Variants in HBEGF observed in about 807,000 individuals in gnomAD.
HBEGF encodes proheparin-binding EGF-like growth factor.
Under a neutral mutation model 19.5 loss-of-function variants are expected in HBEGF, and 8 were observed. That is an observed-to-expected ratio of 0.41 (90% CI 0.24 to 0.74). The LOEUF is 0.74. Among genes scored for constraint, HBEGF ranks in the 30% least tolerant of loss-of-function variants. The probability of loss-of-function intolerance (pLI) is 0.32; values close to 1 mark genes in which losing one functional copy is unlikely to be tolerated. For missense variants in HBEGF, 207 were observed against 256.9 expected, an observed-to-expected ratio of 0.81 and a Z score of 1.33; for synonymous variants, 97 against 108.9, an observed-to-expected ratio of 0.89 and a Z score of 0.68.
intron 3 of HBEGF, among the ~76,000 whole-genome samples, chr5:140,337,801 T>C (rs11465449): frequency 1.7e-4 from 26 of 152,308 alleles, no homozygotes; most frequent in African/African-American, 4.8e-4. Context: ...TCAGCCCATG[T>C]AGGCCTAAAA....
rs1466849215 is a variant in HBEGF at position 140,342,971 on chromosome 5, A to G, written c.221-159T>C. The G allele has an allele frequency of 3.4e-5, 24 of 706,760 alleles. No individual in the cohort carries two copies. The South Asian group carries it at 4.2e-4, about 12-fold the overall frequency. 43.8% of individuals were successfully genotyped at this position (706,760 alleles called of 1,614,324 possible). A position where few individuals can be genotyped will look rare whatever the true frequency, so the allele number is the denominator to read the frequency against. ...CCTCCTAAGAGGCAGAAGGAAGAGCAGGAAGATTGGGCAGAACCACCAGAA... is the reference window on the plus strand; with the variant it reads ...CCTCCTAAGAGGCAGAAGGAAGAGCGGGAAGATTGGGCAGAACCACCAGAA... On this transcript the variant is annotated intron_variant, in intron 2 of 5. Transcript: ENST00000230990.
chr5:140,338,940 G>T (rs4912711), intron 3 of HBEGF, among the ~76,000 whole-genome samples: 18,182 of 152,238 alleles, frequency 0.12, 1,203 homozygotes, highest in South Asian at 0.17. Context: ...GTTCCAGACT[G>T]GTTCTGCTGC....
In HBEGF at chr5:140,345,988, T is replaced by A; in HGVS notation, c.143A>T (p.Asp48Val). ...SNPDPPTVST[D>V]QLLPLGGGRD... ...GCCGCCTCCTAGGGGTAGCAGCTGG[T>A]CCGTGGATACAGTGGGAGGGTCCGG... Residue 48 changes from aspartate (D) to valine (V), a missense_variant, in exon 2 of 6, where the codon GAC becomes GTC. Physicochemically the swap from Asp to Val is radical, Grantham distance 152. Around this residue, in one of 3 missense-constraint regions of HBEGF, gnomAD observed 127 missense variants for 132.7 expected, o/e 0.96. Coordinates refer to ENST00000230990, the MANE Select transcript of HBEGF (RefSeq NM_001945.3). The A allele has an allele frequency of 1.2e-6, 2 of 1,614,098 alleles. No homozygotes were observed. The highest frequency in any genetic ancestry group is 1.7e-6 in the Non-Finnish European group (2 of 1,180,000).
intron 2 of HBEGF, among the ~76,000 whole-genome samples, chr5:140,344,282 A>G (rs897079120): frequency 1.3e-5 from 2 of 152,048 alleles, no homozygotes; most frequent in Non-Finnish European, 2.9e-5. Flanking sequence ...ACACACTCCC[A>G]TCTCCTCCCT....
At chr5:140,345,762 C>T (rs930261028) in intron 2 of HBEGF, 149 bp downstream of exon 2, 7 of 877,500 alleles carry the variant, frequency 8.0e-6, no homozygotes, top group Non-Finnish European at 1.3e-5. Context: ...TTCCAGGATC[C>T]CCCAGTGCCC....
Position 140,346,014 on chromosome 5 carries a change from G to T in HBEGF, c.117C>A (p.Asn39Lys). Residue 39 changes from asparagine to lysine, a missense_variant, in exon 2 of 6, where the codon AAC (asparagine) becomes AAA (lysine). This residue lies in a region of HBEGF where 127 missense variants were observed against 132.7 expected (regional missense o/e 0.96). Transcript: ENST00000230990. This position sits in a 1 kb window ranked among gnomAD's most constrained non-coding sequence, Gnocchi z 6.1. ...CCGTGGATACAGTGGGAGGGTCCGG[G>T]TTGCTGGTTCCAGCAGCTAGCCCTC... The part of the protein sequence containing the change: ...LRRGLAAGTS[N>K]PDPPTVSTDQ... The T allele has an allele frequency of 6.2e-7, 1 of 1,614,158 alleles. No individual in the cohort carries two copies. The highest frequency in any genetic ancestry group is 8.5e-7 in the Non-Finnish European group (1 of 1,179,992).
intron 4 of HBEGF, 118 bp downstream of exon 4, chr5:140,335,754 C>G: frequency 9.1e-7 from 1 of 1,102,934 alleles, no homozygotes. Context: ...CACCCCGGAG[C>G]TAGCCCATGA....
At chr5:140,339,528 G>A (rs1766276151) in intron 3 of HBEGF, among the ~76,000 whole-genome samples, 1 of 151,910 alleles carries the variant, frequency 6.6e-6, no homozygotes. Flanking sequence ...TAGTAGCTGA[G>A]ATTACAGGCG....
intron 3 of HBEGF, among the ~76,000 whole-genome samples, chr5:140,340,582 C>CAAAAAAAAAAAAAAAAAAAAAA (rs61489261): frequency 5.0e-5 from 3 of 59,846 alleles, no homozygotes; most frequent in Non-Finnish European, 9.2e-5. Context: ...GACTCTGTCT[C>CAAAAAAAAAAAAAAAAAAAAAA]AAAAAAAAAA....
chr5:140,340,720 G>C (rs750205234), intron 3 of HBEGF, among the ~76,000 whole-genome samples: 2 of 152,038 alleles, frequency 1.3e-5, no homozygotes, highest in Non-Finnish European at 2.9e-5. Context: ...GAGACCTCTA[G>C]GACAACAGCT....
chr5:140,335,728 GTTTT>G, intron 4 of HBEGF, 140 bp downstream of exon 4: 1 of 881,002 alleles, frequency 1.1e-6, no homozygotes, highest in South Asian at 1.7e-5. Context: ...GAAATACCAG[GTTTT>G]TGGAGAATCT....
At position 140,342,734 on chromosome 5, in the gene HBEGF, C is replaced by A; in HGVS notation, c.299G>T (p.Gly100Val). The change falls in exon 3 of 6, where the codon GGG becomes GTG. Residue 100 changes from glycine to valine, a missense_variant. By Grantham distance (109) the Gly-to-Val change is moderately radical (BLOSUM62 -3). This residue lies in a region of HBEGF where 127 missense variants were observed against 132.7 expected (regional missense o/e 0.96). Coordinates refer to ENST00000230990, the MANE Select transcript of HBEGF (RefSeq NM_001945.3). ...EHGKRKKKGK[G>V]LGKKRDPCLR... ...ACATGGGTCCCTCTTCTTCCCTAGCCCCTTGCCTTTCTTCTTTCTTTTCCC... is the reference window on the plus strand; with the variant it reads ...ACATGGGTCCCTCTTCTTCCCTAGCACCTTGCCTTTCTTCTTTCTTTTCCC... 1 of 1,614,186 alleles carries A rather than the reference C, an allele frequency of 6.2e-7. No individual in the cohort carries two copies. The highest frequency in any genetic ancestry group is 1.1e-5 in the South Asian group (1 of 91,084).
intron 2 of HBEGF, chr5:140,343,059 C>T (rs945817950): frequency 4.0e-6 from 2 of 498,946 alleles, no homozygotes; most frequent in African/African-American, 3.8e-5. Flanking sequence ...TTCACAGTCT[C>T]TGTGTAAGAG....
At chr5:140,343,142 T>TTTTTTAATGA in intron 2 of HBEGF, 1 of 271,864 alleles carries the variant, frequency 3.7e-6, no homozygotes, top group Admixed American at 4.7e-5. Flanking sequence ...ACTGTCCACC[T>TTTTTTAATGA]TACACCCCCA....
chr5:140,337,712 G>A (rs1203834698), intron 3 of HBEGF, among the ~76,000 whole-genome samples: 1 of 152,134 alleles, frequency 6.6e-6, no homozygotes, highest in African/African-American at 2.4e-5. Flanking sequence ...CCTCACAGCA[G>A]GATAAATGTA....
chr5:140,342,098 A>G (rs1445603939), intron 3 of HBEGF, among the ~76,000 whole-genome samples: 2 of 152,222 alleles, frequency 1.3e-5, no homozygotes, highest in Non-Finnish European at 2.9e-5. Flanking sequence ...GATAAGGAAG[A>G]AGAAAGAGAG....
Position 140,333,741 on chromosome 5 carries a change from T to C in HBEGF, c.*558A>G, listed in dbSNP as rs570022918. 6.5e-6 allele frequency: 1 copy of C among 152,782 alleles called. No individual in the cohort carries two copies. Among genetic ancestry groups the C allele is most frequent in the Admixed American group, 6.5e-5 (1 of 15,304 alleles). 9.5% of individuals were successfully genotyped at this position (152,782 alleles called of 1,614,324 possible). A position where few individuals can be genotyped will look rare whatever the true frequency, so the allele number is the denominator to read the frequency against. On this transcript the variant is annotated 3_prime_UTR_variant, in exon 6 of 6. Transcript: ENST00000230990. ...CAAACAACAACAACAAAAATAGTTG[T>C]TATTTTTCCATCTGGGTAGAAGTCC...
In HBEGF at chr5:140,346,244, CATCCCCCCG is replaced by C. The variant is rs1766398991; in HGVS notation, c.46+30_46+38del. 1.9e-6 allele frequency: 3 copies of C among 1,584,860 alleles called. No individual in the cohort carries two copies. In the East Asian group the frequency reaches 7.0e-5, roughly 37 times the overall value. ...CCCCATGCCCCCAGCACAACGCCCC[CATCCCCCCG>C]ATCTCCGGGGGCGTCGGCAGCCCTC... On this transcript the variant is annotated intron_variant, in intron 1 of 5. Coordinates refer to ENST00000230990, the MANE Select transcript of HBEGF (RefSeq NM_001945.3). This position sits in a 1 kb window ranked among gnomAD's most constrained non-coding sequence, Gnocchi z 6.1.
chr5:140,343,204 C>A (rs190434926), intron 2 of HBEGF: 5 of 196,500 alleles, frequency 2.5e-5, no homozygotes, highest in Admixed American at 1.1e-4. Context: ...CAATCAGCCT[C>A]ATTTCCTGAT....
Sources: gnomAD v4.1 joint callset for allele counts (sites outside exome capture counted in the v4.1 genomes callset) on GRCh38, gnomAD v4.1.1 for gene constraint, gnomAD v4.1.1 regional missense constraint, Gnocchi (gnomAD v3.1) non-coding constraint, MANE v1.5 for transcripts, NCBI Gene and HGNC (gene_info 2026-07-23, HGNC 2026-07-21) for gene names.